GALNT13: variants seen among roughly 807,000 people sequenced by gnomAD.
GALNT13 encodes UDP-GalNAc:polypeptide N-acetylgalactosaminyltransferase 13.
GALNT13 carries 28 observed loss-of-function variants against 64.2 expected under a neutral mutation model. The observed-to-expected ratio is 0.44, with a 90% confidence interval of 0.32 to 0.60. GALNT13 has a LOEUF of 0.60. Among genes scored for constraint, GALNT13 ranks in the 20% least tolerant of loss-of-function variants. GALNT13 has a pLI of 0.05. For missense variants in GALNT13, 577 were observed against 669.8 expected (o/e 0.86, Z 1.53); for synonymous variants, 214 against 224.6 (o/e 0.95, Z 0.42).
At chr2:153,719,714 A>T in the GALNT13 span, among the ~76,000 whole-genome samples, 1 of 152,016 alleles carries the variant, frequency 6.6e-6, no homozygotes, top group African/African-American at 2.4e-5. Flanking sequence ...GCACCTGGAA[A>T]ATCGGGTCAC....
At chr2:154,434,330 G>A (rs926337655) in intron 11 of GALNT13, among the ~76,000 whole-genome samples, 4 of 152,084 alleles carry the variant, frequency 2.6e-5, no homozygotes, top group Admixed American at 2.6e-4. Flanking sequence ...TGTGATCTCC[G>A]CTCACTGCAA....
At chr2:153,702,239 A>G in the GALNT13 span, among the ~76,000 whole-genome samples, 1 of 152,186 alleles carries the variant, frequency 6.6e-6, no homozygotes, top group Non-Finnish European at 1.5e-5. Context: ...GCAAACCAAC[A>G]TAGGAACAGA....
chr2:153,858,548 A>G, the GALNT13 span, among the ~76,000 whole-genome samples: 1 of 152,130 alleles, frequency 6.6e-6, no homozygotes, highest in Admixed American at 6.5e-5. Context: ...GTAAAATAAG[A>G]CCATTCTGAG....
chr2:153,911,420 A>G (rs1316347135), intron 2 of GALNT13, among the ~76,000 whole-genome samples: 2 of 152,070 alleles, frequency 1.3e-5, no homozygotes, highest in South Asian at 2.1e-4. Flanking sequence ...CAATGTTAGC[A>G]TTGATATGTG....
the GALNT13 span, among the ~76,000 whole-genome samples, chr2:153,511,302 G>A: frequency 6.6e-6 from 1 of 151,878 alleles, no homozygotes; most frequent in African/African-American, 2.4e-5. Context: ...AGGGGCGGGG[G>A]TTGGCTATAG....
chr2:153,489,048 C>T, the GALNT13 span, among the ~76,000 whole-genome samples: 11 of 152,028 alleles, frequency 7.2e-5, no homozygotes, highest in African/African-American at 2.4e-4. Context: ...CATGTTCTCA[C>T]TTATAAGTGG....
the GALNT13 span, among the ~76,000 whole-genome samples, chr2:153,632,746 T>A: frequency 1.3e-5 from 2 of 152,238 alleles, no homozygotes; most frequent in Admixed American, 1.3e-4. Context: ...ATTTATTTTT[T>A]ATTTTATTTA....
chr2:154,200,392 A>G (rs1292092525), intron 4 of GALNT13, among the ~76,000 whole-genome samples: 3 of 152,124 alleles, frequency 2.0e-5, no homozygotes, highest in Non-Finnish European at 4.4e-5. Flanking sequence ...AATAGAAGAA[A>G]TGCCACTACA....
chr2:153,197,367 T>G, the GALNT13 span, among the ~76,000 whole-genome samples: 1 of 152,216 alleles, frequency 6.6e-6, no homozygotes, highest in Admixed American at 6.5e-5. Context: ...AAGGTGTGCA[T>G]GGACATAGGC....
At chr2:154,280,662 G>A (rs1487107816) in intron 8 of GALNT13, among the ~76,000 whole-genome samples, 1 of 152,162 alleles carries the variant, frequency 6.6e-6, no homozygotes, top group Non-Finnish European at 1.5e-5. Flanking sequence ...ATCTGTGAAA[G>A]AGCAAGAGAT....
At chr2:154,298,880 T>C (rs990651893) in intron 8 of GALNT13, among the ~76,000 whole-genome samples, 3 of 49,604 alleles carry the variant, frequency 6.0e-5, no homozygotes, top group Non-Finnish European at 1.4e-4. Context: ...ACATTATATA[T>C]TATTTATATA....
At chr2:153,204,964 A>C in the GALNT13 span, among the ~76,000 whole-genome samples, 2 of 152,202 alleles carry the variant, frequency 1.3e-5, no homozygotes, top group African/African-American at 4.8e-5. Flanking sequence ...TTGCACAAAT[A>C]TTGCAACAAG....
the GALNT13 span, among the ~76,000 whole-genome samples, chr2:153,139,242 C>T: frequency 6.6e-6 from 1 of 152,110 alleles, no homozygotes; most frequent in East Asian, 1.9e-4. Flanking sequence ...GAATATAAAC[C>T]AGAACTTGCC....
chr2:154,202,929 A>G (rs2105782929), intron 4 of GALNT13, among the ~76,000 whole-genome samples: 1 of 152,278 alleles, frequency 6.6e-6, no homozygotes, highest in Middle Eastern at 3.4e-3. Context: ...GGAAAATATA[A>G]TAAGGATTTT....
the GALNT13 span, among the ~76,000 whole-genome samples, chr2:153,609,131 G>A: frequency 6.6e-6 from 1 of 151,834 alleles, no homozygotes; most frequent in East Asian, 1.9e-4. Context: ...TTGTAGAACT[G>A]GGGTTTCACC....
At chr2:153,179,830 G>T in the GALNT13 span, among the ~76,000 whole-genome samples, 8 of 151,946 alleles carry the variant, frequency 5.3e-5, no homozygotes, top group African/African-American at 1.9e-4. Flanking sequence ...TGTTTTTCAA[G>T]AATTTTATTG....
At chr2:154,111,169 T>G (rs963920777) in intron 3 of GALNT13, among the ~76,000 whole-genome samples, 6 of 152,212 alleles carry the variant, frequency 3.9e-5, no homozygotes, top group Admixed American at 1.3e-4. Flanking sequence ...CTACCCATTC[T>G]GTATTCTATT....
chr2:153,959,545 G>T (rs1692798076), intron 3 of GALNT13, among the ~76,000 whole-genome samples: 1 of 152,224 alleles, frequency 6.6e-6, no homozygotes, highest in Non-Finnish European at 1.5e-5. Context: ...GGGTGACAAG[G>T]ACGTGTTTCA....
intron 8 of GALNT13, among the ~76,000 whole-genome samples, chr2:154,268,958 T>G (rs1691173493): frequency 6.6e-6 from 1 of 152,126 alleles, no homozygotes; most frequent in Non-Finnish European, 1.5e-5. Flanking sequence ...TTACTTCAAG[T>G]ACCCCAATTT....
Sources: allele counts gnomAD v4.1 joint callset (sites outside exome capture counted in the v4.1 genomes callset), GRCh38; gene constraint gnomAD v4.1.1; transcripts MANE v1.5; gene names NCBI Gene and HGNC (gene_info 2026-07-23, HGNC 2026-07-21).